The following CHRM5 variants were observed in gnomAD, a reference collection of about 807,000 sequenced individuals.
CHRM5 encodes the protein cholinergic receptor muscarinic 5, also known as muscarinic acetylcholine receptor M5.
CHRM5 carries 18 observed loss-of-function variants against 39.0 expected under a neutral mutation model. That is an observed-to-expected ratio of 0.46 (90% CI 0.32 to 0.68). The LOEUF (loss-of-function observed/expected upper bound fraction) is 0.68, where lower values mean the gene tolerates loss of function less well. Among genes scored for constraint, CHRM5 ranks in the 30% least tolerant of loss-of-function variants. The pLI is 0.04. For synonymous variants in CHRM5, 241 were observed against 246.3 expected, an observed-to-expected ratio of 0.98 and a Z score of 0.20; for missense variants, 515 against 651.1, an observed-to-expected ratio of 0.79 and a Z score of 2.28.
At chr15:34,043,124 G>A (rs1899546414) in intron 1 of CHRM5, among the ~76,000 whole-genome samples, 2 of 151,974 alleles carry the variant, frequency 1.3e-5, no homozygotes, top group African/African-American at 4.8e-5. Flanking sequence ...ACGGGCGCCT[G>A]TAGTCCCAGC....
chr15:34,053,488 C>T (rs1024943160), intron 2 of CHRM5, among the ~76,000 whole-genome samples: 14 of 151,428 alleles, frequency 9.2e-5, no homozygotes, highest in Admixed American at 9.2e-4. Flanking sequence ...GACACGTAGG[C>T]CAATGGAACA....
At chr15:34,047,504 C>T (rs2140818022) in intron 2 of CHRM5, among the ~76,000 whole-genome samples, 1 of 152,288 alleles carries the variant, frequency 6.6e-6, no homozygotes, top group Non-Finnish European at 1.5e-5. Flanking sequence ...GGCCCCACTT[C>T]CCTGGCACCT....
At chr15:34,012,078 T>C (rs1897661876) in intron 1 of CHRM5, among the ~76,000 whole-genome samples, 1 of 152,218 alleles carries the variant, frequency 6.6e-6, no homozygotes, top group Non-Finnish European at 1.5e-5. Flanking sequence ...TGAAGCTTTT[T>C]AACAAGGTTT....
chr15:34,062,554 CA>C (rs10632153), intron 2 of CHRM5, 88 bp from the exon 3 acceptor site: 9,602 of 406,824 alleles, frequency 0.024, 11 homozygotes, highest in South Asian at 0.053. Context: ...GATTCTGTCT[CA>C]AAAAAAAAAA....
chr15:34,031,635 AT>A (rs200508300), intron 1 of CHRM5, among the ~76,000 whole-genome samples: 3 of 151,276 alleles, frequency 2.0e-5, no homozygotes, highest in Non-Finnish European at 4.4e-5. Context: ...TTAATCTCCT[AT>A]TTTTTTTTGG....
intron 1 of CHRM5, among the ~76,000 whole-genome samples, chr15:33,971,664 T>C (rs1895644252): frequency 6.6e-6 from 1 of 152,130 alleles, no homozygotes; most frequent in Non-Finnish European, 1.5e-5. Flanking sequence ...ATGCATTAAA[T>C]ATATATTTAC....
intron 1 of CHRM5, among the ~76,000 whole-genome samples, chr15:34,017,495 T>TG (rs1897979160): frequency 1.8e-5 from 2 of 108,380 alleles, no homozygotes; most frequent in Non-Finnish European, 4.6e-5. Flanking sequence ...TTTTTTTTTT[T>TG]TTTTTGAGAC....
In CHRM5 at chr15:34,062,820, G is replaced by A. The variant is rs769123399; in HGVS notation, c.103G>A (p.Ala35Thr). The A allele has an allele frequency of 6.2e-7, 1 of 1,614,210 alleles. No homozygotes were observed. Among genetic ancestry groups the A allele is most frequent in the Non-Finnish European group, 8.5e-7 (1 of 1,180,038 alleles). Residue 35 changes from alanine (A) to threonine (T), a missense_variant, in exon 3 of 3, where the codon GCT becomes ACT. Coordinates refer to ENST00000383263, the MANE Select transcript of CHRM5 (RefSeq NM_012125.4). ...HRLWEVITIA[A>T]VTAVVSLITI... ...GTTGTGGGAAGTCATCACCATTGCA[G>A]CTGTGACTGCTGTGGTAAGCCTGAT...
chr15:33,989,214 T>C (rs1896612634), intron 1 of CHRM5, among the ~76,000 whole-genome samples: 1 of 152,148 alleles, frequency 6.6e-6, no homozygotes, highest in Non-Finnish European at 1.5e-5. Context: ...TAATTACATA[T>C]ATATGTTAGT....
intron 1 of CHRM5, among the ~76,000 whole-genome samples, chr15:34,045,492 G>A (rs1043197285): frequency 6.6e-6 from 1 of 152,104 alleles, no homozygotes; most frequent in Non-Finnish European, 1.5e-5. Flanking sequence ...TAACACAGTG[G>A]TACCCCATGT....
chr15:34,020,984 G>T (rs748866153), intron 1 of CHRM5, among the ~76,000 whole-genome samples: 12 of 152,170 alleles, frequency 7.9e-5, no homozygotes, highest in Non-Finnish European at 1.8e-4. Context: ...ACTGGGCCAT[G>T]CATCTGAAAA....
In CHRM5 at chr15:34,023,025, A is replaced by T. The variant is rs946223016; in HGVS notation, c.-407-23515A>T. Among the ~76,000 whole-genome samples the T allele has an allele frequency of 2.0e-5, 3 of 152,268 alleles. No individual in the cohort carries two copies. In the East Asian group the frequency reaches 5.8e-4, roughly 29 times the overall value. On this transcript the variant is annotated intron_variant, in intron 1 of 2. Transcript: ENST00000383263. ...ACATGGTGAAACCCCCATCTCTACT[A>T]AAAACACAAAAATTAGCCTGGCGTG... is the stretch of plus-strand genomic sequence containing the variant.
intron 1 of CHRM5, chr15:34,038,783 C>A (rs1235712405): frequency 8.5e-7 from 1 of 1,177,258 alleles, no homozygotes; most frequent in Admixed American, 4.5e-5. Flanking sequence ...CTCTTACCGG[C>A]GCGCTGGCCC....
intron 1 of CHRM5, among the ~76,000 whole-genome samples, chr15:33,998,848 G>A (rs1206185455): frequency 2.0e-5 from 3 of 152,138 alleles, no homozygotes; most frequent in Non-Finnish European, 4.4e-5. Context: ...ACACTGTGGT[G>A]CCTGGGAATC....
chr15:34,001,382 T>C (rs1237458311), intron 1 of CHRM5, among the ~76,000 whole-genome samples: 1 of 152,192 alleles, frequency 6.6e-6, no homozygotes, highest in Non-Finnish European at 1.5e-5. Context: ...TGACAGATAC[T>C]AGTAACTGAC....
intron 1 of CHRM5, among the ~76,000 whole-genome samples, chr15:34,020,331 TAG>T (rs778037788): frequency 5.1e-4 from 78 of 151,756 alleles, no homozygotes; most frequent in South Asian, 8.4e-4. Flanking sequence ...GAAAAAAAAA[TAG>T]AGGTTTTAAA....
intron 1 of CHRM5, among the ~76,000 whole-genome samples, chr15:33,988,765 T>C (rs1211494134): frequency 6.6e-6 from 1 of 152,228 alleles, no homozygotes; most frequent in South Asian, 2.1e-4. Context: ...AAAAAACTCC[T>C]TGATAAATGA....
intron 1 of CHRM5, chr15:34,039,216 G>T: frequency 2.1e-6 from 1 of 481,436 alleles, no homozygotes; most frequent in Non-Finnish European, 2.8e-6. Context: ...GAGCGGGGCG[G>T]GGCGGGGCGG....
chr15:33,986,826 G>T (rs1896495873), intron 1 of CHRM5, among the ~76,000 whole-genome samples: 2 of 151,038 alleles, frequency 1.3e-5, no homozygotes, highest in South Asian at 2.1e-4. Flanking sequence ...CCAGCTAATT[G>T]TTTTGTATTT....
Sources: gnomAD v4.1 joint callset for allele counts (sites outside exome capture counted in the v4.1 genomes callset) on GRCh38, gnomAD v4.1.1 for gene constraint, MANE v1.5 for transcripts, NCBI Gene and HGNC (gene_info 2026-07-23, HGNC 2026-07-21) for gene names.